HERC4: variants seen among roughly 807,000 people sequenced by gnomAD.
The protein encoded by HERC4 is probable E3 ubiquitin-protein ligase HERC4.
A neutral mutation model predicts 124.3 loss-of-function variants in HERC4; 28 were observed. That is an observed-to-expected ratio of 0.23 (90% CI 0.17 to 0.31). The LOEUF (loss-of-function observed/expected upper bound fraction) is 0.31, where lower values mean the gene tolerates loss of function less well. Ranked by LOEUF, HERC4 falls within the 10% of genes least tolerant of loss-of-function variation. The pLI, the probability that HERC4 is intolerant of heterozygous loss-of-function variation, is 1.00. For synonymous variants in HERC4, 407 were observed against 421.5 expected (o/e 0.97, Z 0.42); for missense variants, 713 against 1,229.3 (o/e 0.58, Z 6.28).
intron 19 of HERC4, among the ~76,000 whole-genome samples, chr10:67,942,216 T>C (rs1170414500): frequency 6.6e-6 from 1 of 152,222 alleles, no homozygotes; most frequent in Non-Finnish European, 1.5e-5. Context: ...CTCTGTGTTT[T>C]CAAAGAAGGT....
At chr10:67,997,992 G>A (rs1306421025) in intron 9 of HERC4, among the ~76,000 whole-genome samples, 4 of 151,986 alleles carry the variant, frequency 2.6e-5, no homozygotes, top group African/African-American at 7.2e-5. Context: ...ACCGCCTCCC[G>A]GGTTCAAGCG....
At chr10:68,018,394 A>G (rs1421792234) in intron 8 of HERC4, among the ~76,000 whole-genome samples, 1 of 152,206 alleles carries the variant, frequency 6.6e-6, no homozygotes, top group African/African-American at 2.4e-5. Context: ...GGTTATCTAT[A>G]AAAATCTTAA....
At chr10:68,036,033 G>A (rs2039445436) in intron 5 of HERC4, among the ~76,000 whole-genome samples, 1 of 152,014 alleles carries the variant, frequency 6.6e-6, no homozygotes, top group Non-Finnish European at 1.5e-5. Flanking sequence ...AATGTTTAGC[G>A]GCTGGGCACA....
intron 14 of HERC4, among the ~76,000 whole-genome samples, chr10:67,989,790 A>G (rs1052905657): frequency 1.3e-5 from 2 of 152,000 alleles, no homozygotes; most frequent in South Asian, 2.1e-4. Flanking sequence ...ATAAAATCAA[A>G]TATCATGAAA....
chr10:68,013,305 C>T (rs758530821), intron 9 of HERC4, among the ~76,000 whole-genome samples: 29 of 152,124 alleles, frequency 1.9e-4, no homozygotes, highest in Non-Finnish European at 1.3e-4. Flanking sequence ...TGCTTTATTA[C>T]GATATTTGCT....
chr10:68,006,233 T>C (rs117166082), intron 9 of HERC4, among the ~76,000 whole-genome samples: 14,646 of 152,288 alleles, frequency 0.096, 911 homozygotes, highest in Middle Eastern at 0.18. Flanking sequence ...GTACTTACTA[T>C]TATCGTGAGT....
At chr10:68,052,904 T>C (rs2040385302) in intron 3 of HERC4, among the ~76,000 whole-genome samples, 1 of 152,090 alleles carries the variant, frequency 6.6e-6, no homozygotes. Context: ...AAGAGAAAAA[T>C]AAAAGCTACA....
intron 10 of HERC4, 106 bp downstream of exon 10, chr10:67,992,500 A>G: frequency 9.2e-7 from 1 of 1,088,468 alleles, no homozygotes; most frequent in East Asian, 2.5e-5. Context: ...AGGGGAAAAA[A>G]ACTAAGGCAA....
chr10:68,052,269 C>T (rs549050253), intron 3 of HERC4, among the ~76,000 whole-genome samples: 78 of 152,246 alleles, frequency 5.1e-4, no homozygotes, highest in Non-Finnish European at 1.0e-3. Flanking sequence ...ACTTCTGGTT[C>T]TTCTTACACT....
intron 4 of HERC4, chr10:68,039,400 T>G (rs1375831533): frequency 6.5e-7 from 1 of 1,549,716 alleles, no homozygotes; most frequent in African/African-American, 1.4e-5. Flanking sequence ...TCCCTTTACC[T>G]GATACTGTCA....
intron 3 of HERC4, among the ~76,000 whole-genome samples, chr10:68,056,256 C>T (rs2040543981): frequency 6.6e-6 from 1 of 152,126 alleles, no homozygotes; most frequent in African/African-American, 2.4e-5. Flanking sequence ...AAATTTTTCG[C>T]TCTAATGTAG....
intron 24 of HERC4, among the ~76,000 whole-genome samples, chr10:67,923,940 G>C (rs1377355898): frequency 2.6e-5 from 4 of 151,932 alleles, no homozygotes; most frequent in African/African-American, 9.7e-5. Context: ...TTAGAATACA[G>C]ACTTTAACAG....
At chr10:67,926,643 G>C (rs2031010946) in intron 23 of HERC4, among the ~76,000 whole-genome samples, 3 of 152,112 alleles carry the variant, frequency 2.0e-5, no homozygotes, top group Admixed American at 1.3e-4. Context: ...TTAGGGCTCA[G>C]ATTAAATGCC....
At chr10:68,017,357 G>C (rs2038328943) in intron 8 of HERC4, among the ~76,000 whole-genome samples, 1 of 152,194 alleles carries the variant, frequency 6.6e-6, no homozygotes, top group Non-Finnish European at 1.5e-5. Context: ...AGCTGCTCCA[G>C]ATAGCCAAAG....
At chr10:67,944,264 T>C (rs933581312) in intron 19 of HERC4, among the ~76,000 whole-genome samples, 10 of 152,114 alleles carry the variant, frequency 6.6e-5, no homozygotes, top group African/African-American at 2.2e-4. Context: ...AGAAAGACTC[T>C]GGGAAAAAGT....
In HERC4 at chr10:67,975,674, T is replaced by A. The variant is rs543904283; in HGVS notation, c.1807-8872A>T. Among the ~76,000 whole-genome samples the A allele has an allele frequency of 2.6e-5, 4 of 152,348 alleles. No homozygotes were observed. In the South Asian group the frequency reaches 8.3e-4, roughly 32 times the overall value. The stretch of plus-strand genomic sequence containing the variant: ...CGACACATGCATTCTTAACTCACTA[T>A]ATGACTGTCCAATTTGCTTGATCTT... On this transcript the variant is annotated intron_variant, in intron 15 of 24. Transcript: ENST00000373700.
At chr10:67,950,482 G>A (rs1348955488) in intron 19 of HERC4, among the ~76,000 whole-genome samples, 8 of 152,022 alleles carry the variant, frequency 5.3e-5, no homozygotes, top group East Asian at 1.9e-4. Flanking sequence ...CACCATGTTG[G>A]CCAGGCTGGT....
chr10:67,995,679 C>T (rs2036831591), intron 9 of HERC4, among the ~76,000 whole-genome samples: 1 of 151,720 alleles, frequency 6.6e-6, no homozygotes, highest in South Asian at 2.1e-4. Context: ...AATTTTGACT[C>T]ACAGAACATT....
rs773237079 is a variant in HERC4, at chr10:67,940,976, A to C, written c.2467T>G (p.Leu823Val). The change falls in exon 20 of 25, where the codon TTG (leucine) becomes GTG (valine). Residue 823 changes from leucine to valine, a missense_variant. Leu to Val is a conservative substitution (Grantham distance 32). Coordinates refer to ENST00000373700, the MANE Select transcript of HERC4 (RefSeq NM_015601.4). ...GGCATTAGTTCTTTCAAATCATCCA[A>C]GGATGGCTTCTTTTTCAGTAGTTTC... ...YKKLLKKKPS[L>V]DDLKELMPDV... The C allele has an allele frequency of 6.2e-7, 1 of 1,611,550 alleles. No individual in the cohort carries two copies. The highest frequency in any genetic ancestry group is 2.2e-5 in the East Asian group (1 of 44,744).
Sources: gnomAD v4.1 joint callset for allele counts (sites outside exome capture counted in the v4.1 genomes callset) on GRCh38, gnomAD v4.1.1 for gene constraint, MANE v1.5 for transcripts, NCBI Gene and HGNC (gene_info 2026-07-23, HGNC 2026-07-21) for gene names.